Variants in SLAIN1 observed in about 807,000 individuals in gnomAD.
SLAIN1 encodes SLAIN motif-containing protein 1.
In SLAIN1, 17 loss-of-function variants were observed where a neutral mutation model predicts 55.4. The ratio of observed to expected loss-of-function variants is 0.31; its 90% confidence interval spans 0.21 to 0.46. SLAIN1 has a LOEUF of 0.46. SLAIN1 is among the 20% of genes least tolerant of loss of function. The pLI is 1.00. For missense variants in SLAIN1, 682 were observed against 785.1 expected, an observed-to-expected ratio of 0.87 and a Z score of 1.57; for synonymous variants, 348 against 337.4, an observed-to-expected ratio of 1.03 and a Z score of -0.35.
At chr13:77,758,732 C>T (rs894439097) in intron 5 of SLAIN1, among the ~76,000 whole-genome samples, 2 of 151,972 alleles carry the variant, frequency 1.3e-5, no homozygotes, top group African/African-American at 4.8e-5. Context: ...GATCAGTTGG[C>T]TGTAAGTATT....
intron 4 of SLAIN1, among the ~76,000 whole-genome samples, chr13:77,752,288 C>CTTTTT (rs79381085): frequency 0.012 from 1,087 of 94,172 alleles, 25 homozygotes; most frequent in South Asian, 0.077. Flanking sequence ...TTCTAGGGTT[C>CTTTTT]TTTTTTTTTT....
chr13:77,710,641 T>C (rs2091139460), intron 1 of SLAIN1, among the ~76,000 whole-genome samples: 1 of 152,104 alleles, frequency 6.6e-6, no homozygotes, highest in African/African-American at 2.4e-5. Flanking sequence ...ACAATAATAG[T>C]GGGAGACTCT....
intron 1 of SLAIN1, among the ~76,000 whole-genome samples, chr13:77,713,400 C>T (rs989444339): frequency 3.3e-5 from 5 of 152,154 alleles, no homozygotes; most frequent in African/African-American, 4.8e-5. Context: ...GACATTTATG[C>T]GGCCAGCAAA....
intron 5 of SLAIN1, among the ~76,000 whole-genome samples, chr13:77,757,537 G>A (rs570633616): frequency 2.0e-5 from 3 of 151,694 alleles, no homozygotes; most frequent in South Asian, 4.2e-4. Context: ...ACCTGTTACC[G>A]AAGCAGTGTA....
rs1401304651 is a variant in SLAIN1, at chr13:77,746,802, A to T, written c.1205A>T (p.Tyr402Phe). The T allele has an allele frequency of 1.9e-6, 3 of 1,613,690 alleles. No individual in the cohort carries two copies. The highest frequency in any genetic ancestry group is 2.5e-6 in the Non-Finnish European group (3 of 1,179,804). Residue 402 changes from tyrosine (Y) to phenylalanine (F), a missense_variant, in exon 4 of 7, where the codon TAT becomes TTT. Physicochemically the swap from Tyr to Phe is conservative, Grantham distance 22. This residue lies in a region of SLAIN1 where 244 missense variants were observed against 295.2 expected (regional missense o/e 0.83). Transcript: ENST00000418532. The stretch of plus-strand genomic sequence containing the variant: ...TCAAATAATTACCAGCAGCAACAGT[A>T]TTATTCACCTCAAGCCCAAACTCCA... Reference protein sequence around the residue: ...FPSNNYQQQQYYSPQAQTPDQ... With the variant: ...FPSNNYQQQQFYSPQAQTPDQ...
At position 77,763,896 on chromosome 13, in the gene SLAIN1, T is replaced by G. The variant is rs558288103; in HGVS notation, c.*676T>G. 6.5e-6 allele frequency: 1 copy of G among 152,756 alleles called. No individual in the cohort carries two copies. Among genetic ancestry groups the G allele is most frequent in the African/African-American group, 2.4e-5 (1 of 41,594 alleles). The allele number at this position is 152,756 out of a possible 1,614,324, so 9.5% of individuals were successfully genotyped here. On this transcript the variant is annotated 3_prime_UTR_variant, in exon 7 of 7. Transcript: ENST00000418532. ...CAAGGAGATAACCAGACAGCAGAAT[T>G]AAATGGTCCTGTCTTTTTCATTTTT...
chr13:77,742,064 C>T (rs541346260), intron 2 of SLAIN1, among the ~76,000 whole-genome samples: 13 of 151,638 alleles, frequency 8.6e-5, no homozygotes, highest in Middle Eastern at 3.4e-3. Context: ...TTTGGTGTGA[C>T]TTAAGCTTTT....
At chr13:77,707,977 T>C (rs553612518) in intron 1 of SLAIN1, among the ~76,000 whole-genome samples, 4 of 152,282 alleles carry the variant, frequency 2.6e-5, no homozygotes, top group African/African-American at 4.8e-5. Context: ...AGGTAGACTT[T>C]CAACTGGATT....
chr13:77,698,772 G>GC lies in SLAIN1; in HGVS notation c.626+240dup, dbSNP rs938286556. The GC allele has an allele frequency of 3.3e-5, 39 of 1,198,654 alleles. No individual in the cohort carries two copies. The highest frequency in any genetic ancestry group is 3.0e-4 in the Middle Eastern group (1 of 3,352). The allele number at this position is 1,198,654 out of a possible 1,614,324, so 74.3% of individuals were successfully genotyped here. On this transcript the variant is annotated intron_variant, in intron 1 of 6. Coordinates refer to ENST00000418532, the MANE Select transcript of SLAIN1 (RefSeq NM_001242868.2). This position sits in a 1 kb window ranked among gnomAD's most constrained non-coding sequence, Gnocchi z 4.1. ...AATCGCTCCGACTGCGGATGAACCG[G>GC]CCCCCCCTTCCCCCCATCTGCCATG...
At chr13:77,718,651 A>T (rs879712040) in intron 1 of SLAIN1, among the ~76,000 whole-genome samples, 20 of 152,134 alleles carry the variant, frequency 1.3e-4, no homozygotes, top group Admixed American at 2.6e-4. Context: ...TGGAAAGAAG[A>T]TTACTTTAGA....
intron 1 of SLAIN1, among the ~76,000 whole-genome samples, chr13:77,701,789 T>C (rs1158802988): frequency 6.6e-6 from 1 of 151,870 alleles, no homozygotes; most frequent in Non-Finnish European, 1.5e-5. Context: ...TATTATACTT[T>C]AAGTTTTAGG....
intron 2 of SLAIN1, chr13:77,741,211 G>C (rs1018412206): frequency 1.0e-6 from 1 of 985,836 alleles, no homozygotes; most frequent in Admixed American, 6.2e-5. Context: ...TCATCTGTTA[G>C]GCAAGATAGC....
chr13:77,714,860 C>A (rs61963711), intron 1 of SLAIN1, among the ~76,000 whole-genome samples: 13,828 of 152,094 alleles, frequency 0.091, 798 homozygotes, highest in East Asian at 0.12. Context: ...CTTGCTACCT[C>A]CAACCCAGGC....
intron 1 of SLAIN1, among the ~76,000 whole-genome samples, chr13:77,717,276 T>C (rs1310830704): frequency 6.6e-6 from 1 of 152,094 alleles, no homozygotes; most frequent in African/African-American, 2.4e-5. Context: ...ATATTGGCCG[T>C]TAGTTTCTTA....
At chr13:77,737,188 T>TC (rs1325414078) in intron 2 of SLAIN1, among the ~76,000 whole-genome samples, 2 of 152,090 alleles carry the variant, frequency 1.3e-5, no homozygotes, top group Non-Finnish European at 2.9e-5. Flanking sequence ...TCTCTTTTTT[T>TC]CCCACTCCCT....
chr13:77,698,395 G>A lies in SLAIN1; in HGVS notation c.482G>A (p.Gly161Asp), dbSNP rs538417359. 4.0e-5 allele frequency: 56 copies of A among 1,412,696 alleles called. No homozygotes were observed. In the South Asian group the frequency reaches 7.9e-4, roughly 20 times the overall value. 87.5% of individuals were successfully genotyped at this position (1,412,696 alleles called of 1,614,324 possible). ...KPAAGFFGAG[G>D]GGPEPGGAGT... ...GCAGCAGGCTTCTTCGGCGCGGGCG[G>A]TGGCGGGCCGGAGCCGGGGGGCGCG... Residue 161 changes from glycine (G) to aspartate (D), a missense_variant, in exon 1 of 7, where the codon GGT (glycine) becomes GAT (aspartate). Physicochemically the swap from Gly to Asp is moderately conservative, Grantham distance 94. Around this residue, in one of 3 missense-constraint regions of SLAIN1, gnomAD observed 401 missense variants for 417.3 expected, o/e 0.96. Transcript: ENST00000418532. The surrounding 1 kb of genome is among the most constrained non-coding windows in gnomAD (Gnocchi z 4.1).
At chr13:77,732,610 G>A (rs1872930799) in intron 2 of SLAIN1, among the ~76,000 whole-genome samples, 2 of 151,910 alleles carry the variant, frequency 1.3e-5, no homozygotes, top group African/African-American at 4.8e-5. Flanking sequence ...AGACCTAAAG[G>A]GAAAATGGCT....
At chr13:77,752,994 T>G (rs1353096448) in intron 4 of SLAIN1, among the ~76,000 whole-genome samples, 2 of 152,178 alleles carry the variant, frequency 1.3e-5, no homozygotes, top group Non-Finnish European at 2.9e-5. Context: ...TGGCACTCAA[T>G]ATTAACCATC....
chr13:77,763,856 T>A lies in SLAIN1; in HGVS notation c.*636T>A, dbSNP rs1343681334. On this transcript the variant is annotated 3_prime_UTR_variant, in exon 7 of 7. Transcript: ENST00000418532. ...AATTTTGTGTTGAATGAGCACAACA[T>A]AATTTGAAGCATTGCAAGGAGATAA... 1 of 152,630 alleles carries A rather than the reference T, an allele frequency of 6.6e-6. No homozygotes were observed. Among genetic ancestry groups the A allele is most frequent in the Non-Finnish European group, 1.5e-5 (1 of 68,030 alleles). 9.5% of individuals were successfully genotyped at this position (152,630 alleles called of 1,614,324 possible). A position where few individuals can be genotyped will look rare whatever the true frequency, so the allele number is the denominator to read the frequency against.
Sources: gnomAD v4.1 joint callset for allele counts (sites outside exome capture counted in the v4.1 genomes callset) on GRCh38, gnomAD v4.1.1 for gene constraint, gnomAD v4.1.1 regional missense constraint, Gnocchi (gnomAD v3.1) non-coding constraint, MANE v1.5 for transcripts, NCBI Gene and HGNC (gene_info 2026-07-23, HGNC 2026-07-21) for gene names.